Variants in NRXN3 observed in about 807,000 individuals in gnomAD.
NRXN3 encodes the protein neurexin 3.
NRXN3 carries 32 observed loss-of-function variants against 137.6 expected under a neutral mutation model. The ratio of observed to expected loss-of-function variants is 0.23; its 90% CI spans 0.18 to 0.31. The LOEUF is 0.31. Among genes scored for constraint, NRXN3 ranks in the 10% least tolerant of loss-of-function variants. NRXN3 has a pLI of 1.00. For synonymous variants in NRXN3, 798 were observed against 784.5 expected (o/e 1.02, Z -0.29); for missense variants, 1,574 against 2,062.5 (o/e 0.76, Z 4.59).
chr14:78,685,794 G>A (rs914056397), intron 6 of NRXN3, among the ~76,000 whole-genome samples: 49 of 149,924 alleles, frequency 3.3e-4, no homozygotes, highest in African/African-American at 1.1e-3. Context: ...CACCATGTCA[G>A]CTAATGTTTT....
rs75229549 is a variant in NRXN3 at position 79,620,744 on chromosome 14, T to C, written c.3445-43034T>C. ...GAGAAACAGGCAAGCATAGATACTT[T>C]GGAGGCAGTTGGATATGTAGCATTG... is the stretch of plus-strand genomic sequence containing the variant. On this transcript the variant is annotated intron_variant, in intron 16 of 20. Transcript: ENST00000335750. 7.9e-5 allele frequency among the ~76,000 whole-genome samples: 12 copies of C among 152,244 alleles called. No homozygotes were observed. In the East Asian group the frequency reaches 2.3e-3, roughly 29 times the overall value.
chr14:79,487,294 C>A (rs1050076880), intron 16 of NRXN3, among the ~76,000 whole-genome samples: 2 of 152,048 alleles, frequency 1.3e-5, no homozygotes, highest in African/African-American at 4.8e-5. Context: ...AAAGCACAGT[C>A]CTTCATATCA....
intron 10 of NRXN3, among the ~76,000 whole-genome samples, chr14:78,894,533 C>T (rs2099167998): frequency 6.6e-6 from 1 of 151,938 alleles, no homozygotes; most frequent in Non-Finnish European, 1.5e-5. Context: ...TGTTTTGAAC[C>T]CTTCAGCCAT....
intron 4 of NRXN3, among the ~76,000 whole-genome samples, chr14:78,372,968 G>A (rs2087136452): frequency 6.6e-6 from 1 of 152,160 alleles, no homozygotes; most frequent in Non-Finnish European, 1.5e-5. Context: ...TAATGAAGCT[G>A]AGGTAGAATA....
chr14:78,661,445 T>A (rs1206786007), intron 6 of NRXN3, among the ~76,000 whole-genome samples: 4 of 152,184 alleles, frequency 2.6e-5, no homozygotes, highest in Non-Finnish European at 5.9e-5. Flanking sequence ...GGGCCCTGAT[T>A]AAGTGGATTT....
intron 8 of NRXN3, among the ~76,000 whole-genome samples, chr14:78,792,417 A>G (rs1344949942): frequency 2.0e-5 from 3 of 152,088 alleles, no homozygotes; most frequent in Non-Finnish European, 4.4e-5. Context: ...ATGCTGATGA[A>G]AAAAACCAGA....
At chr14:79,540,646 C>G (rs1222083693) in intron 16 of NRXN3, among the ~76,000 whole-genome samples, 1 of 152,002 alleles carries the variant, frequency 6.6e-6, no homozygotes, top group Admixed American at 6.6e-5. Context: ...AGTAAAATAG[C>G]CTGGATCAAG....
At chr14:79,679,054 A>T (rs185526865) in intron 17 of NRXN3, among the ~76,000 whole-genome samples, 8,751 of 149,572 alleles carry the variant, frequency 0.059, 303 homozygotes, top group South Asian at 0.096. Flanking sequence ...TTTGGCTTAA[A>T]TTTTTTTTTT....
intron 6 of NRXN3, among the ~76,000 whole-genome samples, chr14:78,665,003 T>C (rs906622007): frequency 1.3e-5 from 2 of 152,232 alleles, no homozygotes; most frequent in Non-Finnish European, 2.9e-5. Context: ...TAAATATTCA[T>C]GGAATGCCTA....
intron 15 of NRXN3, among the ~76,000 whole-genome samples, chr14:79,351,405 A>G (rs990133170): frequency 1.3e-5 from 2 of 152,334 alleles, no homozygotes; most frequent in African/African-American, 4.8e-5. Flanking sequence ...GATCTCTTCC[A>G]GATTCAAAAT....
At chr14:78,599,222 G>A (rs2097183153) in intron 4 of NRXN3, among the ~76,000 whole-genome samples, 1 of 152,190 alleles carries the variant, frequency 6.6e-6, no homozygotes, top group Non-Finnish European at 1.5e-5. Context: ...TCATGGAAAG[G>A]AAATGAGGGG....
chr14:79,827,691 C>CTTTT (rs71103825), intron 20 of NRXN3, among the ~76,000 whole-genome samples: 1 of 129,552 alleles, frequency 7.7e-6, no homozygotes, highest in African/African-American at 2.9e-5. Context: ...ATGCCACAAA[C>CTTTT]TTTTTTTTTT....
rs968270205 is a variant in NRXN3, at chr14:78,803,561, G to A, written c.2045-59G>A. The A allele has an allele frequency of 5.3e-6, 8 of 1,504,034 alleles. No homozygotes were observed. In the Admixed American group the frequency reaches 1.3e-4, roughly 25 times the overall value. The allele number at this position is 1,504,034 out of a possible 1,614,324, so 93.2% of individuals were successfully genotyped here. On this transcript the variant is annotated intron_variant, in intron 8 of 20. Transcript: ENST00000335750. ...TACTCGCTTAGCCTGAAAGCAAAGG[G>A]GTATTTGGCAACTGTGACATCCGTC... is the stretch of plus-strand genomic sequence containing the variant.
At chr14:78,896,164 A>C (rs1293424343) in intron 10 of NRXN3, among the ~76,000 whole-genome samples, 1 of 151,878 alleles carries the variant, frequency 6.6e-6, no homozygotes, top group Non-Finnish European at 1.5e-5. Flanking sequence ...AGTGAAGCAC[A>C]AAAAAACTAG....
intron 4 of NRXN3, among the ~76,000 whole-genome samples, chr14:78,410,155 CTG>C (rs1198282050): frequency 5.9e-5 from 9 of 152,204 alleles, no homozygotes; most frequent in African/African-American, 2.2e-4. Flanking sequence ...AGATCAGTAA[CTG>C]TGCCCATGGA....
At chr14:79,657,551 C>T (rs1477421763) in intron 16 of NRXN3, among the ~76,000 whole-genome samples, 1 of 152,182 alleles carries the variant, frequency 6.6e-6, no homozygotes, top group Non-Finnish European at 1.5e-5. Context: ...GAAGTGCTTA[C>T]TCTGTGCTTA....
chr14:79,578,533 T>C (rs2097686587), intron 16 of NRXN3, among the ~76,000 whole-genome samples: 1 of 152,120 alleles, frequency 6.6e-6, no homozygotes, highest in Admixed American at 6.5e-5. Context: ...ATAAGTCACA[T>C]TGTCAGATAT....
At chr14:79,274,636 G>T (rs913053641) in intron 15 of NRXN3, among the ~76,000 whole-genome samples, 4 of 151,264 alleles carry the variant, frequency 2.6e-5, no homozygotes, top group African/African-American at 2.4e-5. Context: ...AAAAAAAAAT[G>T]CTTCTATATT....
At position 79,200,959 on chromosome 14, in the gene NRXN3, C is replaced by T. The variant is rs551930601; in HGVS notation, c.3262+212818C>T. The T allele has an allele frequency of 5.4e-5, 8 of 147,954 alleles. No individual in the cohort carries two copies. In the East Asian group the frequency reaches 1.6e-3, roughly 30 times the overall value. 9.2% of individuals were successfully genotyped at this position (147,954 alleles called of 1,614,324 possible). A position where few individuals can be genotyped will look rare whatever the true frequency, so the allele number is the denominator to read the frequency against. ...GAAATACGTATTATATAAGATTTTT[C>T]CTCTCTAGCCTTTTATTCTTTGAGC... On this transcript the variant is annotated intron_variant, in intron 15 of 20. Coordinates refer to ENST00000335750, the MANE Select transcript of NRXN3 (RefSeq NM_001330195.2).
Sources: allele counts gnomAD v4.1 joint callset (sites outside exome capture counted in the v4.1 genomes callset), GRCh38; gene constraint gnomAD v4.1.1; transcripts MANE v1.5; gene names NCBI Gene and HGNC (gene_info 2026-07-23, HGNC 2026-07-21).